Variants in SLC16A1 observed in about 807,000 individuals in gnomAD.
The protein encoded by SLC16A1 is monocarboxylate transporter 1.
SLC16A1 carries 11 observed loss-of-function variants against 32.2 expected under a neutral mutation model. That is an observed-to-expected ratio of 0.34 (90% CI 0.21 to 0.56). The LOEUF (loss-of-function observed/expected upper bound fraction) is 0.56, where lower values mean the gene tolerates loss of function less well. SLC16A1 is among the 20% of genes least tolerant of loss of function. The pLI is 0.87. For synonymous variants in SLC16A1, 231 were observed against 226.8 expected, an observed-to-expected ratio of 1.02 and a Z score of -0.17; for missense variants, 435 against 615.0, an observed-to-expected ratio of 0.71 and a Z score of 3.10.
At chr1:112,923,393 G>A (rs1185669097) in intron 2 of SLC16A1, 7 of 616,772 alleles carry the variant, frequency 1.1e-5, no homozygotes, top group South Asian at 6.9e-5. Flanking sequence ...CGTTGCTCCC[G>A]GGCTGTCGCA....
chr1:112,950,570 C>T (rs1398787649), intron 1 of SLC16A1, among the ~76,000 whole-genome samples: 1 of 152,168 alleles, frequency 6.6e-6, no homozygotes, highest in African/African-American at 2.4e-5. Flanking sequence ...GTGTAGATAA[C>T]CAACAGAGTT....
At chr1:112,915,685 G>A (rs531126661) in intron 4 of SLC16A1, among the ~76,000 whole-genome samples, 1 of 152,274 alleles carries the variant, frequency 6.6e-6, no homozygotes, top group Non-Finnish European at 1.5e-5. Flanking sequence ...GATAAGGGTA[G>A]TAGTTGTGAT....
chr1:112,929,269 G>A lies in SLC16A1; in HGVS notation c.40C>T (p.Pro14Ser), dbSNP rs751574145. The change falls in exon 2 of 5, where the codon CCA (proline) becomes TCA (serine). Residue 14 changes from proline (P) to serine (S), a missense_variant. Physicochemically the swap from Pro to Ser is moderately conservative, Grantham distance 74. Coordinates refer to ENST00000369626, the MANE Select transcript of SLC16A1 (RefSeq NM_003051.4). ...ACTGCCCAGCCCCAGCCTCCATCTG[G>A]GGGGGTGTATCCAACTGGACCTCCA... ...AVGGPVGYTP[P>S]DGGWGWAVVI... 5 of 1,614,034 alleles carry A rather than the reference G, an allele frequency of 3.1e-6. No individual in the cohort carries two copies. The highest frequency in any genetic ancestry group is 1.1e-5 in the South Asian group (1 of 91,076).
At chr1:112,950,219 C>G (rs1465201530) in intron 1 of SLC16A1, among the ~76,000 whole-genome samples, 2 of 152,046 alleles carry the variant, frequency 1.3e-5, no homozygotes, top group Non-Finnish European at 2.9e-5. Context: ...TATGCAGACC[C>G]CAGGATAAAA....
chr1:112,940,208 T>C (rs1649462367), intron 1 of SLC16A1, among the ~76,000 whole-genome samples: 1 of 151,866 alleles, frequency 6.6e-6, no homozygotes, highest in Admixed American at 6.6e-5. Flanking sequence ...TGGCTAATTT[T>C]TGTATGTTTT....
intron 1 of SLC16A1, among the ~76,000 whole-genome samples, chr1:112,938,105 A>T (rs143427462): frequency 6.6e-6 from 1 of 152,186 alleles, no homozygotes; most frequent in South Asian, 2.1e-4. Context: ...CCTCATCAAC[A>T]TTTAAAATGA....
At chr1:112,942,033 G>A (rs1649530209) in intron 1 of SLC16A1, among the ~76,000 whole-genome samples, 1 of 151,834 alleles carries the variant, frequency 6.6e-6, no homozygotes, top group Non-Finnish European at 1.5e-5. Flanking sequence ...GTACAATGGT[G>A]CGATCTTGGC....
chr1:112,924,944 TAA>T (rs1232785934), intron 2 of SLC16A1, among the ~76,000 whole-genome samples: 1 of 152,146 alleles, frequency 6.6e-6, no homozygotes, highest in Non-Finnish European at 1.5e-5. Flanking sequence ...CCTATATTAT[TAA>T]GTTTCATGGT....
intron 1 of SLC16A1, among the ~76,000 whole-genome samples, chr1:112,938,742 C>T (rs1329702647): frequency 6.6e-6 from 1 of 152,054 alleles, no homozygotes; most frequent in Non-Finnish European, 1.5e-5. Flanking sequence ...TTTCAGAATT[C>T]TGTTTATGAT....
At chr1:112,950,784 G>T (rs556995049) in intron 1 of SLC16A1, among the ~76,000 whole-genome samples, 1 of 152,250 alleles carries the variant, frequency 6.6e-6, no homozygotes, top group African/African-American at 2.4e-5. Flanking sequence ...ATGGCTTGGG[G>T]CCAGGAGTTT....
intron 1 of SLC16A1, among the ~76,000 whole-genome samples, chr1:112,931,644 C>CA (rs561013159): frequency 0.015 from 939 of 60,680 alleles, 15 homozygotes; most frequent in East Asian, 0.029. Flanking sequence ...TACTCTGTCT[C>CA]AAAAAAAAAA....
At chr1:112,915,138 C>A (rs970900121) in intron 4 of SLC16A1, among the ~76,000 whole-genome samples, 11 of 152,244 alleles carry the variant, frequency 7.2e-5, no homozygotes, top group Admixed American at 7.2e-4. Context: ...CTCAGCTAAG[C>A]CCTGAGGATA....
intron 3 of SLC16A1, among the ~76,000 whole-genome samples, chr1:112,919,806 A>T (rs1259035091): frequency 6.6e-6 from 1 of 152,206 alleles, no homozygotes; most frequent in Non-Finnish European, 1.5e-5. Flanking sequence ...CCCTGTTGTT[A>T]TGCAGGTCTC....
Position 112,917,368 on chromosome 1 carries a change from T to C in SLC16A1, c.1038A>G (p.Leu346=), listed in dbSNP as rs138440853. 19 of 1,614,104 alleles carry C rather than the reference T, an allele frequency of 1.2e-5. No homozygotes were observed. The highest frequency in any genetic ancestry group is 3.3e-4 in the Middle Eastern group (2 of 6,084). Residue 346 remains leucine, a synonymous_variant, in exon 4 of 5, where the codon CTA becomes CTG. Transcript: ENST00000369626. The surrounding 1 kb of genome is among the most constrained non-coding windows in gnomAD (Gnocchi z 4.1). The stretch of plus-strand genomic sequence containing the variant: ...CAACATAGGTAGTGGATAAAGGTGC[T>C]AGCATATGACACACTCCATTTGCAA... ...SVVANGVCHM[L]APLSTTYVGF... is the part of the protein sequence containing the mutation.
At chr1:112,925,493 C>T (rs749953756) in intron 2 of SLC16A1, among the ~76,000 whole-genome samples, 1 of 152,058 alleles carries the variant, frequency 6.6e-6, no homozygotes, top group Non-Finnish European at 1.5e-5. Flanking sequence ...AATCTGCCTG[C>T]CCAGCCTCCC....
intron 1 of SLC16A1, among the ~76,000 whole-genome samples, chr1:112,950,182 C>T (rs535689085): frequency 1.3e-3 from 205 of 152,220 alleles, no homozygotes; most frequent in Non-Finnish European, 2.6e-3. Flanking sequence ...ACAGACCCCT[C>T]GAATTCAATA....
At chr1:112,923,361 G>GCATCCAA in intron 2 of SLC16A1, 1 of 548,938 alleles carries the variant, frequency 1.8e-6, no homozygotes, top group Non-Finnish European at 3.3e-6. Context: ...ACTCCAGGGA[G>GCATCCAA]CTGATGCTTC....
Position 112,913,961 on chromosome 1 carries a change from G to A in SLC16A1, c.1433C>T (p.Thr478Ile), listed in dbSNP as rs750124524. The change falls in exon 5 of 5, where the codon ACC becomes ATC. Residue 478 changes from threonine (T) to isoleucine (I), a missense_variant. Thr to Ile is a moderately conservative substitution (Grantham distance 89). Around this residue, in one of 2 missense-constraint regions of SLC16A1, gnomAD observed 111 missense variants for 114.7 expected, o/e 0.97. Transcript: ENST00000369626. ...IDVAGKPNEV[T>I]KAAESPDQKD... is the part of the protein sequence containing the mutation. ...CTGGTCCGGAGATTCTGCTGCTTTGGTAACTTCATTTGGCTTCCCAGCAAC... is the reference window on the plus strand; with the variant it reads ...CTGGTCCGGAGATTCTGCTGCTTTGATAACTTCATTTGGCTTCCCAGCAAC... The A allele has an allele frequency of 6.2e-7, 1 of 1,613,988 alleles. No homozygotes were observed. The highest frequency in any genetic ancestry group is 1.3e-5 in the African/African-American group (1 of 74,894).
rs746530125 is a variant in SLC16A1 at position 112,917,397 on chromosome 1, C to T, written c.1009G>A (p.Val337Ile). The T allele has an allele frequency of 3.9e-5, 63 of 1,614,194 alleles. No individual in the cohort carries two copies. In the East Asian group the frequency reaches 6.9e-4, roughly 18 times the overall value. ...ATATGACACACTCCATTTGCAACAA[C>T]GGAAGCCGCAAAGAAATACTGAATT... The part of the protein sequence containing the change: ...PRIQYFFAAS[V>I]VANGVCHMLA... The change falls in exon 4 of 5, where the codon GTT (valine) becomes ATT (isoleucine). Residue 337 changes from valine to isoleucine, a missense_variant. Physicochemically the swap from Val to Ile is conservative, Grantham distance 29 (BLOSUM62 3). This residue lies in a region of SLC16A1 where 324 missense variants were observed against 500.3 expected (regional missense o/e 0.65). Coordinates refer to ENST00000369626, the MANE Select transcript of SLC16A1 (RefSeq NM_003051.4). This position sits in a 1 kb window ranked among gnomAD's most constrained non-coding sequence, Gnocchi z 4.1.
Sources: gnomAD v4.1 joint callset for allele counts (sites outside exome capture counted in the v4.1 genomes callset) on GRCh38, gnomAD v4.1.1 for gene constraint, gnomAD v4.1.1 regional missense constraint, Gnocchi (gnomAD v3.1) non-coding constraint, MANE v1.5 for transcripts, NCBI Gene and HGNC (gene_info 2026-07-23, HGNC 2026-07-21) for gene names.